The following RGS6 variants were observed in gnomAD, a reference collection of about 807,000 sequenced individuals.
The protein encoded by RGS6 is regulator of G protein signaling 6, also known as regulator of G-protein signaling 6.
A neutral mutation model predicts 78.5 loss-of-function variants in RGS6; 30 were observed. The observed-to-expected ratio is 0.38, with a 90% CI of 0.29 to 0.52. RGS6 has a LOEUF of 0.52. Ranked by LOEUF, RGS6 falls within the 20% of genes least tolerant of loss-of-function variation. RGS6 has a pLI of 0.85. For missense variants in RGS6, 495 were observed against 609.7 expected, an observed-to-expected ratio of 0.81 and a Z score of 1.98; for synonymous variants, 206 against 206.0, an observed-to-expected ratio of 1.00 and a Z score of 0.00.
intron 15 of RGS6, among the ~76,000 whole-genome samples, chr14:72,529,613 C>T (rs1220786975): frequency 6.6e-6 from 1 of 152,128 alleles, no homozygotes; most frequent in East Asian, 1.9e-4. Context: ...TGTCTTTCTC[C>T]TCTGATTGAT....
At chr14:72,100,311 C>T (rs1411591479) in intron 2 of RGS6, among the ~76,000 whole-genome samples, 3 of 152,072 alleles carry the variant, frequency 2.0e-5, no homozygotes, top group Non-Finnish European at 2.9e-5. Context: ...TCAAGACCAG[C>T]CTGGCCAACA....
intron 2 of RGS6, among the ~76,000 whole-genome samples, chr14:72,263,027 C>T (rs754080174): frequency 1.1e-4 from 17 of 152,100 alleles, no homozygotes; most frequent in Non-Finnish European, 2.4e-4. Context: ...TGACTGCCCC[C>T]GCCTGGGTTA....
chr14:72,428,516 G>A (rs973627026), intron 3 of RGS6, among the ~76,000 whole-genome samples: 1 of 152,172 alleles, frequency 6.6e-6, no homozygotes, highest in Non-Finnish European at 1.5e-5. Flanking sequence ...GAAGCAGTGA[G>A]TGGCAAAGAG....
intron 2 of RGS6, among the ~76,000 whole-genome samples, chr14:72,266,497 C>T (rs746550944): frequency 3.3e-5 from 5 of 152,198 alleles, no homozygotes; most frequent in African/African-American, 4.8e-5. Context: ...ATCTTCCACA[C>T]GTGCCTCCTC....
chr14:71,872,099 C>T, the RGS6 span, among the ~76,000 whole-genome samples: 1 of 152,112 alleles, frequency 6.6e-6, no homozygotes, highest in Non-Finnish European at 1.5e-5. Context: ...AGGACTCTGG[C>T]CCTGGTTTAG....
At chr14:71,948,758 T>C (rs1251651290) in intron 1 of RGS6, among the ~76,000 whole-genome samples, 1 of 143,748 alleles carries the variant, frequency 7.0e-6, no homozygotes, top group African/African-American at 2.6e-5. Flanking sequence ...TTTTTTTTTT[T>C]TTTTTTTTAA....
chr14:72,170,375 T>C (rs1330009328), intron 2 of RGS6, among the ~76,000 whole-genome samples: 1 of 152,218 alleles, frequency 6.6e-6, no homozygotes, highest in Non-Finnish European at 1.5e-5. Context: ...CTATATATGC[T>C]CTGTAAATGT....
At chr14:72,129,047 C>T (rs1305411860) in intron 2 of RGS6, among the ~76,000 whole-genome samples, 5 of 152,116 alleles carry the variant, frequency 3.3e-5, no homozygotes, top group African/African-American at 7.2e-5. Context: ...CTTTAAACTC[C>T]TATCGATCGT....
the RGS6 span, among the ~76,000 whole-genome samples, chr14:72,574,548 A>C: frequency 6.6e-6 from 1 of 152,232 alleles, no homozygotes; most frequent in Non-Finnish European, 1.5e-5. Context: ...GCTTATTGAG[A>C]TTGGCCACGT....
chr14:72,583,324 T>C, the RGS6 span, among the ~76,000 whole-genome samples: 3 of 152,218 alleles, frequency 2.0e-5, no homozygotes, highest in African/African-American at 7.2e-5. Flanking sequence ...TCCTCTCTCA[T>C]ATATCTATAT....
chr14:72,574,179 C>T, the RGS6 span, among the ~76,000 whole-genome samples: 2 of 152,188 alleles, frequency 1.3e-5, no homozygotes, highest in African/African-American at 4.8e-5. Flanking sequence ...GCCTTTAGCA[C>T]TCAGACTCAT....
At chr14:72,142,672 T>A (rs1194883438) in intron 2 of RGS6, among the ~76,000 whole-genome samples, 4 of 152,210 alleles carry the variant, frequency 2.6e-5, no homozygotes, top group African/African-American at 9.6e-5. Context: ...CTAGCCTTTG[T>A]AGTAATGGCC....
At chr14:72,159,581 C>T (rs572812886) in intron 2 of RGS6, among the ~76,000 whole-genome samples, 1 of 152,170 alleles carries the variant, frequency 6.6e-6, no homozygotes, top group Non-Finnish European at 1.5e-5. Context: ...TTTCCTAGAT[C>T]GTACTGGTGG....
intron 2 of RGS6, among the ~76,000 whole-genome samples, chr14:72,334,433 C>T (rs930609415): frequency 5.9e-5 from 9 of 152,204 alleles, no homozygotes; most frequent in African/African-American, 2.2e-4. Flanking sequence ...CAGGGCTCTG[C>T]TCCCTCCCTT....
intron 2 of RGS6, among the ~76,000 whole-genome samples, chr14:72,151,869 A>G (rs920454845): frequency 5.3e-5 from 8 of 152,184 alleles, no homozygotes; most frequent in African/African-American, 1.9e-4. Context: ...GGACCTGTGC[A>G]CAGTGTTTCT....
At chr14:72,561,972 A>G (rs1295656897) in intron 17 of RGS6, among the ~76,000 whole-genome samples, 1 of 152,140 alleles carries the variant, frequency 6.6e-6, no homozygotes, top group African/African-American at 2.4e-5. Context: ...TTAGCTTCTG[A>G]TCAGCCAGAT....
chr14:72,409,087 C>CA (rs2093185465), intron 3 of RGS6, among the ~76,000 whole-genome samples: 2 of 152,116 alleles, frequency 1.3e-5, no homozygotes, highest in African/African-American at 4.8e-5. Context: ...ATAATAAAAA[C>CA]AGAGATTCCA....
At chr14:71,933,369 G>C (rs2088205922) in intron 1 of RGS6, 1 of 152,118 alleles carries the variant, frequency 6.6e-6, no homozygotes, top group Non-Finnish European at 1.5e-5. Flanking sequence ...GCCCATTTGT[G>C]GTTTGGAAGA....
Position 72,207,284 on chromosome 14 carries a change from A to T in RGS6, c.85-144811A>T, listed in dbSNP as rs950611260. Among the ~76,000 whole-genome samples, 29 of 152,232 alleles carry T rather than the reference A, an allele frequency of 1.9e-4. No homozygotes were observed. The East Asian group carries it at 4.4e-3, about 23-fold the overall frequency. On this transcript the variant is annotated intron_variant, in intron 2 of 17. Coordinates refer to ENST00000553525, the MANE Select transcript of RGS6 (RefSeq NM_001204424.2). ...TGGGATAAATGTGATTATTCCCTGC[A>T]TATTTATGTGCCAGTAGATATTCAG... is the stretch of plus-strand genomic sequence containing the variant.
Sources: allele counts gnomAD v4.1 joint callset (sites outside exome capture counted in the v4.1 genomes callset), GRCh38; gene constraint gnomAD v4.1.1; transcripts MANE v1.5; gene names NCBI Gene and HGNC (gene_info 2026-07-23, HGNC 2026-07-21).